NPAS3: variants seen among roughly 807,000 people sequenced by gnomAD.
NPAS3 encodes the protein neuronal PAS domain-containing protein 3.
NPAS3 carries 14 observed loss-of-function variants against 73.1 expected under a neutral mutation model. The observed-to-expected ratio is 0.19, with a 90% CI of 0.13 to 0.30. The LOEUF (loss-of-function observed/expected upper bound fraction) is 0.30, where lower values mean the gene tolerates loss of function less well. Among genes scored for constraint, NPAS3 ranks in the 10% least tolerant of loss-of-function variants. The pLI, the probability that NPAS3 is intolerant of heterozygous loss-of-function variation, is 1.00. For missense variants in NPAS3, 1,096 were observed against 1,250.0 expected (o/e 0.88, Z 1.86); for synonymous variants, 620 against 541.5 (o/e 1.14, Z -2.01).
At chr14:33,687,493 C>T (rs1429606860) in intron 6 of NPAS3, among the ~76,000 whole-genome samples, 4 of 152,296 alleles carry the variant, frequency 2.6e-5, no homozygotes, top group Admixed American at 1.3e-4. Context: ...TACTTACTCT[C>T]CTGTGTCCAG....
Position 33,800,990 on chromosome 14 carries a change from A to T in NPAS3, c.2683A>T (p.Thr895Ser). ...CGGCGCAGTGAGCGCAGCTAGCCTG[A>T]CGCAGATGCCCGCCGGCAACGTGTT... Residue 895 changes from threonine (T) to serine (S), a missense_variant, in exon 12 of 12, where the codon ACG becomes TCG. Physicochemically the swap from Thr to Ser is moderately conservative, Grantham distance 58. This residue lies in a region of NPAS3 where 698 missense variants were observed against 676.7 expected (regional missense o/e 1.03). Transcript: ENST00000356141. This position sits in a 1 kb window ranked among gnomAD's most constrained non-coding sequence, Gnocchi z 6.5. 4.4e-6 allele frequency: 7 copies of T among 1,589,274 alleles called. No homozygotes were observed. Among genetic ancestry groups the T allele is most frequent in the Non-Finnish European group, 6.0e-6 (7 of 1,168,612 alleles).
intron 7 of NPAS3, among the ~76,000 whole-genome samples, chr14:33,764,602 A>G (rs1257009376): frequency 1.3e-5 from 2 of 152,188 alleles, no homozygotes; most frequent in Non-Finnish European, 2.9e-5. Context: ...CTTTTTTTAT[A>G]TAACGTTGTT....
At chr14:33,630,229 G>A (rs553014145) in intron 5 of NPAS3, among the ~76,000 whole-genome samples, 2 of 152,276 alleles carry the variant, frequency 1.3e-5, no homozygotes, top group South Asian at 4.1e-4. Context: ...TCTGTTTGGA[G>A]TGGATAATTT....
At chr14:33,289,853 A>T (rs1368465175) in intron 3 of NPAS3, among the ~76,000 whole-genome samples, 1 of 151,612 alleles carries the variant, frequency 6.6e-6, no homozygotes, top group African/African-American at 2.4e-5. Context: ...TCTTGTCTTT[A>T]CCCCAGAAAT....
At chr14:33,264,961 A>T (rs1231711367) in intron 3 of NPAS3, among the ~76,000 whole-genome samples, 1 of 152,164 alleles carries the variant, frequency 6.6e-6, no homozygotes, top group Non-Finnish European at 1.5e-5. Context: ...TCTCTCAGTA[A>T]CTGGTCATAT....
intron 1 of NPAS3, among the ~76,000 whole-genome samples, chr14:33,012,602 A>G (rs373387545): frequency 2.0e-5 from 3 of 151,026 alleles, no homozygotes; most frequent in Non-Finnish European, 2.9e-5. Context: ...GGGCTGGAGT[A>G]CAGTGGCGCG....
At chr14:33,297,737 G>C (rs2140136885) in intron 3 of NPAS3, among the ~76,000 whole-genome samples, 1 of 152,310 alleles carries the variant, frequency 6.6e-6, no homozygotes, top group African/African-American at 2.4e-5. Flanking sequence ...GGAAATGGGA[G>C]TGCTGACATT....
Position 33,500,176 on chromosome 14 carries a change from G to C in NPAS3, c.469-59945G>C, listed in dbSNP as rs184309479. Among the ~76,000 whole-genome samples the C allele has an allele frequency of 3.4e-3, 521 of 151,948 alleles. 1 individual carries two copies. The highest frequency in any genetic ancestry group is 5.3e-3 in the Non-Finnish European group (359 of 67,908). On this transcript the variant is annotated intron_variant, in intron 4 of 11. Transcript: ENST00000356141. ...ATATACAACCAATCAAACCCACAGA[G>C]TCTCTGTTGGGATTTTTCTTTAAGA... is the stretch of plus-strand genomic sequence containing the variant.
At chr14:33,789,855 C>T (rs2063304749) in intron 9 of NPAS3, among the ~76,000 whole-genome samples, 1 of 152,034 alleles carries the variant, frequency 6.6e-6, no homozygotes, top group Admixed American at 6.5e-5. Context: ...TCCCAAAGTG[C>T]TGGGATTACA....
chr14:33,188,107 A>G (rs569620688), intron 2 of NPAS3, among the ~76,000 whole-genome samples: 126 of 152,350 alleles, frequency 8.3e-4, no homozygotes, highest in African/African-American at 2.9e-3. Flanking sequence ...ATCAATTCCA[A>G]TTCAGTGCCT....
intron 1 of NPAS3, among the ~76,000 whole-genome samples, chr14:32,969,483 A>C (rs760725109): frequency 6.6e-6 from 1 of 152,214 alleles, no homozygotes; most frequent in Non-Finnish European, 1.5e-5. Context: ...AATACTGCCC[A>C]TATTGTGACA....
intron 6 of NPAS3, among the ~76,000 whole-genome samples, chr14:33,707,090 G>T (rs935308011): frequency 5.3e-5 from 8 of 152,106 alleles, no homozygotes; most frequent in African/African-American, 9.7e-5. Flanking sequence ...TACACACTTG[G>T]TAAAGTCTAG....
chr14:33,560,607 G>C (rs949316618), intron 5 of NPAS3, among the ~76,000 whole-genome samples: 2 of 152,130 alleles, frequency 1.3e-5, no homozygotes, highest in African/African-American at 2.4e-5. Flanking sequence ...CACAATGGCA[G>C]GAGTCATTTG....
chr14:33,641,347 A>G (rs2058670640), intron 5 of NPAS3, among the ~76,000 whole-genome samples: 1 of 152,218 alleles, frequency 6.6e-6, no homozygotes, highest in Non-Finnish European at 1.5e-5. Context: ...TGAATATGAA[A>G]AAAATAACAC....
chr14:33,344,494 G>GA (rs2044636302), intron 3 of NPAS3, among the ~76,000 whole-genome samples: 1 of 152,120 alleles, frequency 6.6e-6, no homozygotes, highest in South Asian at 2.1e-4. Context: ...ATGAAGGCAG[G>GA]AACCATATCT....
At chr14:33,701,212 A>G (rs2060515163) in intron 6 of NPAS3, among the ~76,000 whole-genome samples, 1 of 152,224 alleles carries the variant, frequency 6.6e-6, no homozygotes, top group South Asian at 2.1e-4. Context: ...TGTCCATCTG[A>G]GTTCCATAAC....
At chr14:33,071,669 C>T (rs944164097) in intron 2 of NPAS3, among the ~76,000 whole-genome samples, 1 of 152,170 alleles carries the variant, frequency 6.6e-6, no homozygotes, top group South Asian at 2.1e-4. Context: ...ACAAAAGTGA[C>T]AAAATCTATA....
intron 4 of NPAS3, among the ~76,000 whole-genome samples, chr14:33,453,121 C>T (rs1421538876): frequency 6.6e-6 from 1 of 152,116 alleles, no homozygotes; most frequent in African/African-American, 2.4e-5. Flanking sequence ...TCAAGCTCAC[C>T]CTTGTTCAGG....
At chr14:33,786,634 G>A (rs1305233197) in intron 9 of NPAS3, among the ~76,000 whole-genome samples, 1 of 152,218 alleles carries the variant, frequency 6.6e-6, no homozygotes, top group Non-Finnish European at 1.5e-5. Flanking sequence ...CATACCACCT[G>A]CCATACAGTT....
Sources: gnomAD v4.1 joint callset for allele counts (sites outside exome capture counted in the v4.1 genomes callset) on GRCh38, gnomAD v4.1.1 for gene constraint, gnomAD v4.1.1 regional missense constraint, Gnocchi (gnomAD v3.1) non-coding constraint, MANE v1.5 for transcripts, NCBI Gene and HGNC (gene_info 2026-07-23, HGNC 2026-07-21) for gene names.